The following SARDH variants were observed in gnomAD, a reference collection of about 807,000 sequenced individuals.
The protein encoded by SARDH is sarcosine dehydrogenase, mitochondrial.
Under a neutral mutation model 109.1 loss-of-function variants are expected in SARDH, and 95 were observed. That is an observed-to-expected ratio of 0.87 (90% CI 0.74 to 1.03). The LOEUF (loss-of-function observed/expected upper bound fraction) is 1.03. Ranked by LOEUF, SARDH falls within the 50% of genes least tolerant of loss-of-function variation. The pLI is 0.00. For synonymous variants in SARDH, 572 were observed against 534.8 expected (o/e 1.07, Z -0.96); for missense variants, 1,267 against 1,287.8 (o/e 0.98, Z 0.25).
intron 1 of SARDH, among the ~76,000 whole-genome samples, chr9:133,735,014 T>G (rs1832834347): frequency 6.6e-6 from 1 of 151,866 alleles, no homozygotes. Context: ...GGGGTTGTGT[T>G]GAGTGATGGA....
At position 133,707,946 on chromosome 9, in the gene SARDH, C is replaced by T. The variant is rs561612580; in HGVS notation, c.1470+341G>A. Among the ~76,000 whole-genome samples, 10 of 152,302 alleles carry T rather than the reference C, an allele frequency of 6.6e-5. No individual in the cohort carries two copies. The East Asian group carries it at 1.9e-3, about 29-fold the overall frequency. ...TGGCTGCTCTCCCAATACGTGGCTG[C>T]ATACACCCACCAAGACCCCGCCCCC... On this transcript the variant is annotated intron_variant, in intron 11 of 20. Transcript: ENST00000439388.
chr9:133,712,921 C>T lies in SARDH; in HGVS notation c.1237+117G>A. The stretch of plus-strand genomic sequence containing the variant: ...AGCAGAAGGGGCTGGACTCCCCAGC[C>T]TCTCCTGTCCCCACCACTGTCGGGG... On this transcript the variant is annotated intron_variant, in intron 9 of 20. Transcript: ENST00000439388. This position sits in a 1 kb window ranked among gnomAD's most constrained non-coding sequence, Gnocchi z 4.1. 9.0e-7 allele frequency: 1 copy of T among 1,116,698 alleles called. No individual in the cohort carries two copies. The allele number at this position is 1,116,698 out of a possible 1,614,324, so 69.2% of individuals were successfully genotyped here.
chr9:133,722,432 T>TC lies in SARDH; in HGVS notation c.916-3391dup, dbSNP rs140500703. 5.4e-3 allele frequency among the ~76,000 whole-genome samples: 827 copies of TC among 151,760 alleles called. 6 individuals are homozygous for TC. The highest frequency in any genetic ancestry group is 9.4e-3 in the Non-Finnish European group (637 of 67,918). ...CTTCAAGGAAGAAGGATGGCTGATT[T>TC]CCCCCCAAGATCAGGAATTAGAGAA... On this transcript the variant is annotated intron_variant, in intron 6 of 20. Transcript: ENST00000439388.
chr9:133,724,779 A>G (rs2131485295), intron 6 of SARDH, among the ~76,000 whole-genome samples: 1 of 152,250 alleles, frequency 6.6e-6, no homozygotes, highest in South Asian at 2.1e-4. Flanking sequence ...TCCCCAAACC[A>G]AAAATCAAAA....
chr9:133,675,201 A>G (rs1564237981), intron 17 of SARDH, among the ~76,000 whole-genome samples: 1 of 152,068 alleles, frequency 6.6e-6, no homozygotes, highest in Non-Finnish European at 1.5e-5. Flanking sequence ...TAAAAAAAAA[A>G]TTAGTTGGGC....
intron 10 of SARDH, among the ~76,000 whole-genome samples, chr9:133,708,923 C>T (rs539044834): frequency 1.8e-4 from 27 of 152,238 alleles, no homozygotes; most frequent in African/African-American, 6.0e-4. Context: ...CCCCCCTTTC[C>T]ACCCGCCAGC....
intron 19 of SARDH, among the ~76,000 whole-genome samples, chr9:133,668,454 T>TC (rs374100703): frequency 1.1e-4 from 1 of 8,904 alleles, no homozygotes; most frequent in Non-Finnish European, 1.7e-4. Context: ...ACCCTCCCTC[T>TC]CCCTCGCCCT....
Position 133,712,653 on chromosome 9 carries a change from G to A in SARDH, c.1294C>T (p.Arg432Cys), listed in dbSNP as rs79196288. The A allele has an allele frequency of 1.8e-4, 284 of 1,610,172 alleles. 1 individual carries two copies. In the East Asian group the frequency reaches 4.1e-3, roughly 24 times the overall value. Residue 432 changes from arginine to cysteine, a missense_variant, in exon 10 of 21, where the codon CGC becomes TGC. By Grantham distance (180) the Arg-to-Cys change is radical. Transcript: ENST00000439388. This position sits in a 1 kb window ranked among gnomAD's most constrained non-coding sequence, Gnocchi z 4.1. The stretch of plus-strand genomic sequence containing the variant: ...TAGCCATGCATGTCCTTCTCCGGGC[G>A]CCCATGGATGATCCAGTGGGCCAGC... Reference protein sequence around the residue: ...QELAHWIIHGRPEKDMHGYDI... With the variant: ...QELAHWIIHGCPEKDMHGYDI...
In SARDH at chr9:133,718,759, T is replaced by C. The variant is rs758263800; in HGVS notation, c.1020+179A>G. The stretch of plus-strand genomic sequence containing the variant: ...TGCCCTGGGTCTGTATTTGACTGCC[T>C]GCCAGGACCGTCAGGGTAAGAGCAA... On this transcript the variant is annotated intron_variant, in intron 7 of 20. Transcript: ENST00000439388. The surrounding 1 kb of genome is among the most constrained non-coding windows in gnomAD (Gnocchi z 4.2). The C allele has an allele frequency of 1.3e-6, 1 of 781,628 alleles. No individual in the cohort carries two copies. The highest frequency in any genetic ancestry group is 1.7e-5 in the African/African-American group (1 of 59,168). 48.4% of individuals were successfully genotyped at this position (781,628 alleles called of 1,614,324 possible). A position where few individuals can be genotyped will look rare whatever the true frequency, so the allele number is the denominator to read the frequency against.
intron 17 of SARDH, among the ~76,000 whole-genome samples, chr9:133,683,286 G>A (rs1013871217): frequency 2.6e-5 from 4 of 152,278 alleles, no homozygotes; most frequent in South Asian, 2.1e-4. Flanking sequence ...GTGGCCGTGC[G>A]GGTGGGGGCA....
chr9:133,696,131 G>T, intron 14 of SARDH, 92 bp downstream of exon 14: 2 of 1,518,954 alleles, frequency 1.3e-6, no homozygotes, highest in South Asian at 1.2e-5. Flanking sequence ...CAGGGTGCCC[G>T]AGGGGACAGG....
chr9:133,711,701 C>G (rs1165631734), intron 10 of SARDH, among the ~76,000 whole-genome samples: 2 of 152,236 alleles, frequency 1.3e-5, no homozygotes, highest in Admixed American at 6.5e-5. Flanking sequence ...AGGCCTTCTC[C>G]CTCCGGAGCC....
Position 133,718,635 on chromosome 9 carries a change from G to A in SARDH, c.1020+303C>T, listed in dbSNP as rs1255486651. The A allele has an allele frequency of 1.3e-6, 1 of 776,914 alleles. No homozygotes were observed. Among genetic ancestry groups the A allele is most frequent in the Admixed American group, 1.7e-5 (1 of 58,982 alleles). The allele number at this position is 776,914 out of a possible 1,614,324, so 48.1% of individuals were successfully genotyped here. On this transcript the variant is annotated intron_variant, in intron 7 of 20. Coordinates refer to ENST00000439388, the MANE Select transcript of SARDH (RefSeq NM_001134707.2). This position sits in a 1 kb window ranked among gnomAD's most constrained non-coding sequence, Gnocchi z 4.2. ...GGTTGGGAGGGCAGTGTCATTTGCT[G>A]AAGGACGTAGGACTTGTGTGCTCTC...
intron 11 of SARDH, among the ~76,000 whole-genome samples, chr9:133,705,295 C>G (rs1453555501): frequency 8.5e-6 from 1 of 118,088 alleles, no homozygotes; most frequent in Non-Finnish European, 1.8e-5. Context: ...CATCTGCCCT[C>G]ACCCTGAGAA....
rs78431201 is a variant in SARDH, at chr9:133,706,994, A to T, written c.1470+1293T>A. On this transcript the variant is annotated intron_variant, in intron 11 of 20. Transcript: ENST00000439388. ...AGGGCACAAAATCCACCCACCTCTC[A>T]GTGAACCATGGGGACATCCCATGGG... Among the ~76,000 whole-genome samples, 388 of 152,282 alleles carry T rather than the reference A, an allele frequency of 2.5e-3. 2 individuals are homozygous for T. Among genetic ancestry groups the T allele is most frequent in the African/African-American group, 9.0e-3 (374 of 41,554 alleles).
intron 17 of SARDH, among the ~76,000 whole-genome samples, chr9:133,679,803 G>A (rs1588392148): frequency 6.6e-6 from 1 of 152,366 alleles, no homozygotes. Flanking sequence ...TGGGAATCGC[G>A]CCCAATTCGT....
intron 17 of SARDH, among the ~76,000 whole-genome samples, chr9:133,683,860 G>C (rs1413278939): frequency 1.3e-5 from 2 of 152,200 alleles, no homozygotes; most frequent in Non-Finnish European, 2.9e-5. Context: ...AGGAAGGAGA[G>C]ACAGGGAGCT....
chr9:133,729,678 TCA>T, intron 6 of SARDH, 85 bp downstream of exon 6: 1 of 1,189,078 alleles, frequency 8.4e-7, no homozygotes, highest in Non-Finnish European at 1.2e-6. Context: ...CCCACAAGGG[TCA>T]CACCACCTGG....
chr9:133,670,755 G>A lies in SARDH; in HGVS notation c.2327-3C>T, dbSNP rs768571812. ...GTCCGCGTGCCAGTGCCGGTAGCCT[G>A]TGGGAAGGGAATCCATGGGGTCGGT... On this transcript the variant is annotated splice_region_variant and splice_polypyrimidine_tract_variant and intron_variant, in intron 18 of 20. Coordinates refer to ENST00000439388, the MANE Select transcript of SARDH (RefSeq NM_001134707.2). 1 of 1,564,220 alleles carries A rather than the reference G, an allele frequency of 6.4e-7. No homozygotes were observed. Among genetic ancestry groups the A allele is most frequent in the Non-Finnish European group, 8.6e-7 (1 of 1,157,252 alleles).
Sources: allele counts gnomAD v4.1 joint callset (sites outside exome capture counted in the v4.1 genomes callset), GRCh38; gene constraint gnomAD v4.1.1; non-coding constraint Gnocchi (gnomAD v3.1); transcripts MANE v1.5; gene names NCBI Gene and HGNC (gene_info 2026-07-23, HGNC 2026-07-21).